Variants in NCOA3 observed in about 807,000 individuals in gnomAD.
NCOA3 encodes the protein CBP-interacting protein.
Under a neutral mutation model 158.8 loss-of-function variants are expected in NCOA3, and 51 were observed. That is an observed-to-expected ratio of 0.32 (90% confidence interval 0.26 to 0.41). The LOEUF (loss-of-function observed/expected upper bound fraction) is 0.41, where lower values mean the gene tolerates loss of function less well. Ranked by LOEUF, NCOA3 falls within the 10% of genes least tolerant of loss-of-function variation. The pLI is 1.00. For missense variants in NCOA3, 1,510 were observed against 1,746.6 expected, an observed-to-expected ratio of 0.86 and a Z score of 2.41; for synonymous variants, 537 against 592.4, an observed-to-expected ratio of 0.91 and a Z score of 1.36.
rs2086538620 is a variant in NCOA3 at position 47,637,710 on chromosome 20, C to T, written c.2439C>T (p.Tyr813=). The T allele has an allele frequency of 1.9e-6, 3 of 1,611,866 alleles. No individual in the cohort carries two copies. Among genetic ancestry groups the T allele is most frequent in the Non-Finnish European group, 2.5e-6 (3 of 1,178,744 alleles). The change falls in exon 13 of 23, where the codon TAC becomes TAT. Residue 813 remains tyrosine, a synonymous_variant. Coordinates refer to ENST00000371998, the MANE Select transcript of NCOA3 (RefSeq NM_181659.3). The part of the protein sequence containing the change: ...ILGDLTSSDF[Y]NNSISSNGSH... Reference sequence around the variant, plus strand: ...GTGATCTGACTAGTTCTGACTTTTACAATAATTCCATATCCTCAAATGGTA... The same window carrying T: ...GTGATCTGACTAGTTCTGACTTTTATAATAATTCCATATCCTCAAATGGTA...
At chr20:47,564,225 C>T (rs1310923786) in intron 1 of NCOA3, among the ~76,000 whole-genome samples, 1 of 151,942 alleles carries the variant, frequency 6.6e-6, no homozygotes, top group Non-Finnish European at 1.5e-5. Context: ...TCTATATAAA[C>T]ATTGTTCTCA....
Position 47,639,962 on chromosome 20 carries a change from C to G in NCOA3, c.2991C>G (p.Pro997=). 1 of 1,614,204 alleles carries G rather than the reference C, an allele frequency of 6.2e-7. No individual in the cohort carries two copies. Among genetic ancestry groups the G allele is most frequent in the Non-Finnish European group, 8.5e-7 (1 of 1,180,044 alleles). Residue 997 remains proline (P), a synonymous_variant, in exon 16 of 23, where the codon CCC becomes CCG. Transcript: ENST00000371998. ...TCCCCATGGGAATGGGGGCTAATCC[C>G]TATGGCCAAGCAGCAGCATCTAACC... The part of the protein sequence containing the change: ...GEIPMGMGAN[P]YGQAAASNQL...
chr20:47,563,268 C>A (rs1408618537), intron 1 of NCOA3, among the ~76,000 whole-genome samples: 1 of 152,080 alleles, frequency 6.6e-6, no homozygotes, highest in Admixed American at 6.5e-5. Flanking sequence ...TTAAAAATTA[C>A]AACAAAATTA....
chr20:47,651,496 C>T (rs1245681962), intron 20 of NCOA3, among the ~76,000 whole-genome samples: 1 of 151,940 alleles, frequency 6.6e-6, no homozygotes, highest in South Asian at 2.1e-4. Context: ...TTTTTCAGTC[C>T]CACTCATTAA....
intron 16 of NCOA3, 82 bp downstream of exon 16, chr20:47,640,133 A>G: frequency 6.4e-7 from 1 of 1,567,918 alleles, no homozygotes; most frequent in Middle Eastern, 1.9e-4. Context: ...AGCAAACGTG[A>G]AAGAGAATGA....
chr20:47,602,928 G>T (rs6066403), intron 2 of NCOA3, among the ~76,000 whole-genome samples: 1 of 151,872 alleles, frequency 6.6e-6, no homozygotes, highest in Non-Finnish European at 1.5e-5. Context: ...GTTTTTTTTA[G>T]GCTAAATTGC....
chr20:47,586,758 T>C (rs1602442774), intron 2 of NCOA3, among the ~76,000 whole-genome samples: 1 of 152,348 alleles, frequency 6.6e-6, no homozygotes, highest in South Asian at 2.1e-4. Flanking sequence ...CTCTGTTCAG[T>C]GGAGATGTTC....
chr20:47,589,061 G>T (rs2085583203), intron 2 of NCOA3, among the ~76,000 whole-genome samples: 1 of 151,494 alleles, frequency 6.6e-6, no homozygotes, highest in South Asian at 2.1e-4. Context: ...TCTAATTTTT[G>T]TATTTTTTTT....
At chr20:47,623,859 G>T in intron 3 of NCOA3, 52 bp from the exon 4 acceptor site, 1 of 1,519,034 alleles carries the variant, frequency 6.6e-7, no homozygotes, top group Non-Finnish European at 8.9e-7. Context: ...CAGCTCTTTT[G>T]TGATATATAT....
chr20:47,622,282 C>A lies in NCOA3; in HGVS notation c.35C>A (p.Ala12Asp), dbSNP rs768365821. The part of the protein sequence containing the change: ...SGLGENLDPL[A>D]SDSRKRKLPC... ...TTAGGAGAAAACTTGGATCCACTGGCCAGTGATTCACGAAAACGCAAATTG... is the reference window on the plus strand; with the variant it reads ...TTAGGAGAAAACTTGGATCCACTGGACAGTGATTCACGAAAACGCAAATTG... Residue 12 changes from alanine to aspartate, a missense_variant, in exon 3 of 23, where the codon GCC becomes GAC. Around this residue, in one of 4 missense-constraint regions of NCOA3, gnomAD observed 309 missense variants for 427.1 expected, o/e 0.72. Coordinates refer to ENST00000371998, the MANE Select transcript of NCOA3 (RefSeq NM_181659.3). 3.3e-5 allele frequency: 53 copies of A among 1,606,646 alleles called. No individual in the cohort carries two copies. Among genetic ancestry groups the A allele is most frequent in the African/African-American group, 3.1e-4 (23 of 74,482 alleles).
intron 2 of NCOA3, among the ~76,000 whole-genome samples, chr20:47,605,270 C>G (rs781664246): frequency 2.0e-5 from 3 of 152,070 alleles, no homozygotes; most frequent in Non-Finnish European, 4.4e-5. Context: ...TTCTGTATGT[C>G]TCCCTGCCAC....
intron 1 of NCOA3, among the ~76,000 whole-genome samples, chr20:47,569,614 C>T (rs971398767): frequency 2.0e-5 from 3 of 151,890 alleles, no homozygotes; most frequent in East Asian, 1.9e-4. Flanking sequence ...ACTCGGGAGG[C>T]GGAGGTTGTA....
chr20:47,552,185 C>A (rs142937446), intron 1 of NCOA3, among the ~76,000 whole-genome samples: 90 of 152,276 alleles, frequency 5.9e-4, no homozygotes, highest in Non-Finnish European at 4.0e-4. Flanking sequence ...GCATATCTAG[C>A]AAAGTTATAC....
At chr20:47,620,719 G>A (rs1030496675) in intron 2 of NCOA3, among the ~76,000 whole-genome samples, 4 of 152,092 alleles carry the variant, frequency 2.6e-5, no homozygotes, top group Admixed American at 6.6e-5. Context: ...AATAACCGTC[G>A]TTCATTTATC....
intron 14 of NCOA3, 111 bp from the exon 15 acceptor site, chr20:47,639,466 C>A (rs1013227942): frequency 7.1e-7 from 1 of 1,403,656 alleles, no homozygotes; most frequent in Admixed American, 2.1e-5. Flanking sequence ...CTTACCATGA[C>A]AAAGTGCTGT....
chr20:47,644,816 A>G (rs557386456), intron 17 of NCOA3, among the ~76,000 whole-genome samples: 2 of 150,426 alleles, frequency 1.3e-5, no homozygotes, highest in South Asian at 4.2e-4. Context: ...TCCTGCCTCA[A>G]CCTCCTGAGT....
intron 1 of NCOA3, among the ~76,000 whole-genome samples, chr20:47,530,259 G>A (rs1021446587): frequency 2.6e-5 from 4 of 152,098 alleles, no homozygotes; most frequent in Admixed American, 2.6e-4. Context: ...AGTAGATTAT[G>A]TATCTGAGAA....
chr20:47,550,749 G>A (rs937683267), intron 1 of NCOA3, among the ~76,000 whole-genome samples: 1 of 152,092 alleles, frequency 6.6e-6, no homozygotes, highest in African/African-American at 2.4e-5. Flanking sequence ...ATCTACTTAT[G>A]TCAGCACATT....
chr20:47,547,548 G>C (rs998022338), intron 1 of NCOA3, among the ~76,000 whole-genome samples: 2 of 151,806 alleles, frequency 1.3e-5, no homozygotes, highest in African/African-American at 4.8e-5. Context: ...GAGTAGCTGG[G>C]ACTACAGGCG....
Sources: gnomAD v4.1 joint callset for allele counts (sites outside exome capture counted in the v4.1 genomes callset) on GRCh38, gnomAD v4.1.1 for gene constraint, gnomAD v4.1.1 regional missense constraint, MANE v1.5 for transcripts, NCBI Gene and HGNC (gene_info 2026-07-23, HGNC 2026-07-21) for gene names.